The following NR4A3 variants were observed in gnomAD, a reference collection of about 807,000 sequenced individuals.
NR4A3 encodes nuclear receptor subfamily 4 group A member 3, also known as chondrosarcoma, extraskeletal myxoid, fused to EWS.
In NR4A3, 13 loss-of-function variants were observed where a neutral mutation model predicts 55.6. That is an observed-to-expected ratio of 0.23 (90% confidence interval 0.15 to 0.37). The LOEUF (loss-of-function observed/expected upper bound fraction) is 0.37. Ranked by LOEUF, NR4A3 falls within the 10% of genes least tolerant of loss-of-function variation. NR4A3 has a pLI of 1.00. For missense variants in NR4A3, 646 were observed against 822.8 expected (o/e 0.79, Z 2.63); for synonymous variants, 342 against 357.9 (o/e 0.96, Z 0.50).
intron 5 of NR4A3, among the ~76,000 whole-genome samples, chr9:99,837,923 G>C (rs1314574559): frequency 6.6e-6 from 1 of 152,176 alleles, no homozygotes; most frequent in African/African-American, 2.4e-5. Flanking sequence ...GAGGGGTTTT[G>C]TTCCAAGTCA....
At chr9:99,853,161 G>A (rs1827880611) in intron 7 of NR4A3, among the ~76,000 whole-genome samples, 1 of 151,898 alleles carries the variant, frequency 6.6e-6, no homozygotes, top group African/African-American at 2.4e-5. Context: ...TATAAAAATT[G>A]AATGAACTAA....
At chr9:99,857,881 T>C (rs1051710414) in intron 7 of NR4A3, among the ~76,000 whole-genome samples, 3 of 152,244 alleles carry the variant, frequency 2.0e-5, no homozygotes, top group Non-Finnish European at 4.4e-5. Flanking sequence ...AGTTCTTTAC[T>C]GTTGTTAGCT....
intron 5 of NR4A3, among the ~76,000 whole-genome samples, chr9:99,839,993 G>GA (rs1490612250): frequency 6.6e-6 from 1 of 152,218 alleles, no homozygotes; most frequent in Non-Finnish European, 1.5e-5. Context: ...GCCAGGCAGA[G>GA]AAAAAATCTA....
chr9:99,834,547 A>C (rs1376692225), intron 5 of NR4A3, among the ~76,000 whole-genome samples: 3 of 152,162 alleles, frequency 2.0e-5, no homozygotes, highest in African/African-American at 7.2e-5. Flanking sequence ...CAGATAAAGA[A>C]ATACCAGTCC....
rs1481070856 is a variant in NR4A3, at chr9:99,865,062, C to G, written c.*1195C>G. 4.9e-6 allele frequency: 1 copy of G among 202,370 alleles called. No individual in the cohort carries two copies. Among genetic ancestry groups the G allele is most frequent in the Admixed American group, 6.0e-5 (1 of 16,670 alleles). 12.5% of individuals were successfully genotyped at this position (202,370 alleles called of 1,614,324 possible). A position where few individuals can be genotyped will look rare whatever the true frequency, so the allele number is the denominator to read the frequency against. On this transcript the variant is annotated 3_prime_UTR_variant, in exon 8 of 8. Coordinates refer to ENST00000395097, the MANE Select transcript of NR4A3 (RefSeq NM_006981.4). This position sits in a 1 kb window ranked among gnomAD's most constrained non-coding sequence, Gnocchi z 4.3. ...AGTACTAGGAAGGATTAGTGGGCTGCGTTTCAACATTCCGTGTTCGTACTC... is the reference window on the plus strand; with the variant it reads ...AGTACTAGGAAGGATTAGTGGGCTGGGTTTCAACATTCCGTGTTCGTACTC...
chr9:99,829,735 T>C (rs191154124), intron 3 of NR4A3, among the ~76,000 whole-genome samples: 211 of 152,314 alleles, frequency 1.4e-3, no homozygotes, highest in African/African-American at 4.6e-3. Context: ...TCTAGGAACC[T>C]TTCCCTACCT....
chr9:99,832,948 C>A, intron 4 of NR4A3, 130 bp downstream of exon 4: 1 of 773,988 alleles, frequency 1.3e-6, no homozygotes, highest in Non-Finnish European at 1.9e-6. Flanking sequence ...TTATTTTTAT[C>A]ATATATATCT....
Position 99,833,291 on chromosome 9 carries a change from C to T in NR4A3, c.1091C>T (p.Thr364Ile), listed in dbSNP as rs1454724148. 4 of 1,609,920 alleles carry T rather than the reference C, an allele frequency of 2.5e-6. No homozygotes were observed. Among genetic ancestry groups the T allele is most frequent in the Non-Finnish European group, 8.5e-7 (1 of 1,177,966 alleles). Residue 364 changes from threonine to isoleucine, a missense_variant, in exon 5 of 8, where the codon ACA (threonine) becomes ATA (isoleucine). By Grantham distance (89) the Thr-to-Ile change is moderately conservative (BLOSUM62 -1). Around this residue, in one of 5 missense-constraint regions of NR4A3, gnomAD observed 44 missense variants for 119.3 expected, o/e 0.37. Coordinates refer to ENST00000395097, the MANE Select transcript of NR4A3 (RefSeq NM_006981.4). ...TCTCTTTTGGCATCAGTTGTCCGTA[C>T]AGATAGTCTGAAAGGGAGGAGAGGT... ...SVGMVKEVVRTDSLKGRRGRL... is the reference protein window; with the variant it reads ...SVGMVKEVVRIDSLKGRRGRL...
rs567823873 is a variant in NR4A3 at position 99,825,356 on chromosome 9, T to C, written c.-176-303T>C. 6.0e-4 allele frequency among the ~76,000 whole-genome samples: 91 copies of C among 152,090 alleles called. No homozygotes were observed. Among genetic ancestry groups the C allele is most frequent in the African/African-American group, 2.0e-3 (85 of 41,510 alleles). Reference sequence around the variant, plus strand: ...TCAATTGTGGGGGCAGAGAGATCAATTTCTGGGCAATAACAGGCTGCGCGT... The same window carrying C: ...TCAATTGTGGGGGCAGAGAGATCAACTTCTGGGCAATAACAGGCTGCGCGT... On this transcript the variant is annotated intron_variant, in intron 1 of 7. Transcript: ENST00000395097. This position sits in a 1 kb window ranked among gnomAD's most constrained non-coding sequence, Gnocchi z 5.0.
chr9:99,837,016 A>C (rs555286488), intron 5 of NR4A3, among the ~76,000 whole-genome samples: 15 of 152,218 alleles, frequency 9.9e-5, no homozygotes, highest in African/African-American at 3.6e-4. Flanking sequence ...GTTTTGAAAA[A>C]TGTCTATTTA....
In NR4A3 at chr9:99,857,962, C is replaced by T. The variant is rs143777744; in HGVS notation, c.1634-5658C>T. ...TTTTAGTGCTTATATAATCATTTCT[C>T]ACAGATTCTTGATCCTCTATGTATC... On this transcript the variant is annotated intron_variant, in intron 7 of 7. Coordinates refer to ENST00000395097, the MANE Select transcript of NR4A3 (RefSeq NM_006981.4). Among the ~76,000 whole-genome samples, 282 of 152,182 alleles carry T rather than the reference C, an allele frequency of 1.9e-3. 1 individual carries two copies. Among genetic ancestry groups the T allele is most frequent in the African/African-American group, 6.6e-3 (276 of 41,510 alleles).
At chr9:99,838,547 C>T (rs1454888049) in intron 5 of NR4A3, among the ~76,000 whole-genome samples, 1 of 152,212 alleles carries the variant, frequency 6.6e-6, no homozygotes, top group Non-Finnish European at 1.5e-5. Flanking sequence ...GTTTCCTGAT[C>T]CAAATGGTAA....
At chr9:99,857,379 T>C (rs1827945611) in intron 7 of NR4A3, among the ~76,000 whole-genome samples, 1 of 152,144 alleles carries the variant, frequency 6.6e-6, no homozygotes, top group African/African-American at 2.4e-5. Flanking sequence ...CTAGGCATGG[T>C]TCCAAATACT....
chr9:99,829,759 G>A (rs180775023), intron 3 of NR4A3, among the ~76,000 whole-genome samples: 5 of 152,224 alleles, frequency 3.3e-5, no homozygotes, highest in African/African-American at 7.2e-5. Flanking sequence ...TATCACATGC[G>A]GTGCCAGGTG....
In NR4A3 at chr9:99,844,823, C is replaced by T. The variant is rs1827726031; in HGVS notation, c.1429C>T (p.Leu477=). ...TLLIESAFLE[L]FVLRLSIRSN... Reference sequence around the variant, plus strand: ...ACTTATTGAATCAGCCTTTTTGGAGCTGTTTGTCCTCAGACTTTCCATCAG... The same window carrying T: ...ACTTATTGAATCAGCCTTTTTGGAGTTGTTTGTCCTCAGACTTTCCATCAG... Residue 477 remains leucine (L), a synonymous_variant, in exon 6 of 8, where the codon CTG becomes TTG. Coordinates refer to ENST00000395097, the MANE Select transcript of NR4A3 (RefSeq NM_006981.4). The T allele has an allele frequency of 6.2e-7, 1 of 1,614,048 alleles. No homozygotes were observed. Among genetic ancestry groups the T allele is most frequent in the Non-Finnish European group, 8.5e-7 (1 of 1,179,870 alleles).
At chr9:99,851,776 A>G (rs1307328570) in intron 7 of NR4A3, among the ~76,000 whole-genome samples, 1 of 152,204 alleles carries the variant, frequency 6.6e-6, no homozygotes, top group Non-Finnish European at 1.5e-5. Context: ...AGTGCTTTGA[A>G]TCTGGTGGGA....
At chr9:99,840,402 T>C (rs1587879393) in intron 5 of NR4A3, among the ~76,000 whole-genome samples, 1 of 152,180 alleles carries the variant, frequency 6.6e-6, no homozygotes, top group East Asian at 1.9e-4. Context: ...GATTGTTGAG[T>C]TGTGAGCCAT....
rs779540941 is a variant in NR4A3 at position 99,851,348 on chromosome 9, G to A, written c.1633+3733G>A. 5.2e-4 allele frequency among the ~76,000 whole-genome samples: 79 copies of A among 152,184 alleles called. No individual in the cohort carries two copies. The Middle Eastern group carries it at 0.017, about 33-fold the overall frequency. On this transcript the variant is annotated intron_variant, in intron 7 of 7. Transcript: ENST00000395097. ...GGATCTTGACTTCTGAATAAGCTTCGTTGATCATAAATGGTGATTGTGGAG... is the reference window on the plus strand; with the variant it reads ...GGATCTTGACTTCTGAATAAGCTTCATTGATCATAAATGGTGATTGTGGAG...
chr9:99,826,919 C>A, intron 2 of NR4A3: 1 of 1,016,302 alleles, frequency 9.8e-7, no homozygotes, highest in Non-Finnish European at 1.5e-6. Flanking sequence ...TCAGAAAAAC[C>A]AACCACCAAA....
Sources: gnomAD v4.1 joint callset for allele counts (sites outside exome capture counted in the v4.1 genomes callset) on GRCh38, gnomAD v4.1.1 for gene constraint, gnomAD v4.1.1 regional missense constraint, Gnocchi (gnomAD v3.1) non-coding constraint, MANE v1.5 for transcripts, NCBI Gene and HGNC (gene_info 2026-07-23, HGNC 2026-07-21) for gene names.